KAZN: variants seen among roughly 807,000 people sequenced by gnomAD.
KAZN encodes the protein kazrin, periplakin interacting protein, also known as kazrin.
KAZN carries 40 observed loss-of-function variants against 87.4 expected under a neutral mutation model. The ratio of observed to expected loss-of-function variants is 0.46; its 90% CI spans 0.36 to 0.60. The LOEUF (loss-of-function observed/expected upper bound fraction) is 0.60, where lower values mean the gene tolerates loss of function less well. Ranked by LOEUF, KAZN falls within the 20% of genes least tolerant of loss-of-function variation. KAZN has a pLI of 0.00. For missense variants in KAZN, 898 were observed against 1,073.9 expected (o/e 0.84, Z 2.29); for synonymous variants, 466 against 458.3 (o/e 1.02, Z -0.22).
At chr1:14,958,384 A>T (rs1273205866) in intron 1 of KAZN, among the ~76,000 whole-genome samples, 1 of 102,632 alleles carries the variant, frequency 9.7e-6, no homozygotes, top group Non-Finnish European at 2.5e-5. Flanking sequence ...CTTCTTATAT[A>T]CATGGAGCAC....
chr1:15,065,027 CTTTTTTTTTTT>C (rs780410306), intron 7 of KAZN, among the ~76,000 whole-genome samples: 4 of 102,740 alleles, frequency 3.9e-5, no homozygotes, highest in Non-Finnish European at 7.3e-5. Flanking sequence ...CTTTTTCTTT[CTTTTTTTTTTT>C]TTTTTTTTTT....
At chr1:14,486,105 G>A (rs1321541869) in intron 2 of KAZN, among the ~76,000 whole-genome samples, 1 of 152,164 alleles carries the variant, frequency 6.6e-6, no homozygotes, top group Non-Finnish European at 1.5e-5. Flanking sequence ...ACGTGGCTAA[G>A]CTCCACTTTG....
chr1:14,437,339 A>G (rs1666452400), intron 2 of KAZN, among the ~76,000 whole-genome samples: 2 of 152,202 alleles, frequency 1.3e-5, no homozygotes, highest in South Asian at 4.1e-4. Flanking sequence ...TTTTCAGAAC[A>G]CAGTCGATGA....
At chr1:14,233,716 G>A (rs781259277) in intron 2 of KAZN, among the ~76,000 whole-genome samples, 2 of 152,192 alleles carry the variant, frequency 1.3e-5, no homozygotes, top group Non-Finnish European at 2.9e-5. Context: ...ACTTTTTAAA[G>A]TACTGGTCAG....
chr1:14,892,457 T>G (rs1654818992), intron 1 of KAZN, among the ~76,000 whole-genome samples: 1 of 151,162 alleles, frequency 6.6e-6, no homozygotes, highest in African/African-American at 2.4e-5. Flanking sequence ...CCCTGGATCA[T>G]CTGAAGGCCT....
chr1:14,073,643 A>G (rs924193723), intron 1 of KAZN, among the ~76,000 whole-genome samples: 2 of 152,032 alleles, frequency 1.3e-5, no homozygotes, highest in African/African-American at 4.8e-5. Flanking sequence ...GAGTGAGAAC[A>G]TGCGGTGTTT....
chr1:14,776,394 C>G (rs895416031), intron 1 of KAZN, among the ~76,000 whole-genome samples: 1 of 152,192 alleles, frequency 6.6e-6, no homozygotes, highest in Non-Finnish European at 1.5e-5. Context: ...GAGTGCTATG[C>G]CCACCAAAGG....
intron 1 of KAZN, among the ~76,000 whole-genome samples, chr1:14,085,079 C>T (rs1186357401): frequency 6.6e-6 from 1 of 152,082 alleles, no homozygotes; most frequent in African/African-American, 2.4e-5. Flanking sequence ...TCAAAGATTC[C>T]CAATACTTTC....
chr1:14,039,250 G>C (rs1281706757), intron 1 of KAZN, among the ~76,000 whole-genome samples: 2 of 151,938 alleles, frequency 1.3e-5, no homozygotes, highest in African/African-American at 2.4e-5. Flanking sequence ...TAAGTTGCCT[G>C]CTTCCAGACA....
chr1:14,367,663 C>T (rs1253267612), intron 2 of KAZN, among the ~76,000 whole-genome samples: 1 of 152,096 alleles, frequency 6.6e-6, no homozygotes, highest in Non-Finnish European at 1.5e-5. Flanking sequence ...CAACATCACC[C>T]CACCCCTTCT....
At chr1:14,786,801 T>C (rs1452723431) in intron 1 of KAZN, among the ~76,000 whole-genome samples, 3 of 152,176 alleles carry the variant, frequency 2.0e-5, no homozygotes, top group Admixed American at 2.0e-4. Context: ...AATAGAAGGA[T>C]GTGGTGCTGA....
chr1:14,546,700 A>C (rs559417845), intron 2 of KAZN, among the ~76,000 whole-genome samples: 1 of 152,270 alleles, frequency 6.6e-6, no homozygotes, highest in South Asian at 2.1e-4. Context: ...TTAAAAAGAA[A>C]TGCAATCTGT....
chr1:14,419,053 A>G (rs1438350398), intron 2 of KAZN, among the ~76,000 whole-genome samples: 2 of 152,196 alleles, frequency 1.3e-5, no homozygotes, highest in Non-Finnish European at 2.9e-5. Context: ...AGGATGCTAT[A>G]TATTTTTATT....
intron 1 of KAZN, among the ~76,000 whole-genome samples, chr1:14,707,120 C>T (rs1642252642): frequency 6.6e-6 from 1 of 152,138 alleles, no homozygotes; most frequent in Admixed American, 6.5e-5. Context: ...GCCTGGGTGT[C>T]ACCAGGTTAG....
Position 14,558,264 on chromosome 1 carries a change from G to T in KAZN, c.250-40719G>T, listed in dbSNP as rs1351202300. 2.0e-5 allele frequency among the ~76,000 whole-genome samples: 3 copies of T among 152,144 alleles called. No homozygotes were observed. In the East Asian group the frequency reaches 5.8e-4, roughly 29 times the overall value. On this transcript the variant is annotated intron_variant, in intron 2 of 16. Transcript: ENST00000636203. ...ATTTGATCATCTTGTTACACTAGTC[G>T]CCAAAATGAAACACCACCAGCAAAA...
intron 1 of KAZN, among the ~76,000 whole-genome samples, chr1:14,098,348 C>T (rs1394969175): frequency 2.6e-5 from 4 of 151,994 alleles, no homozygotes; most frequent in Non-Finnish European, 5.9e-5. Flanking sequence ...GTTTTTTTGC[C>T]CTATGGTCAA....
chr1:14,109,107 C>T (rs926080927), intron 1 of KAZN, among the ~76,000 whole-genome samples: 6 of 152,100 alleles, frequency 3.9e-5, no homozygotes, highest in Admixed American at 2.6e-4. Flanking sequence ...GGAAAGACAC[C>T]GCATGACAGA....
chr1:14,426,619 G>A (rs986309725), intron 2 of KAZN, among the ~76,000 whole-genome samples: 2 of 152,160 alleles, frequency 1.3e-5, no homozygotes, highest in African/African-American at 4.8e-5. Flanking sequence ...GCCACACTGA[G>A]GTGATGCTTT....
intron 1 of KAZN, among the ~76,000 whole-genome samples, chr1:14,944,826 A>G (rs1038227644): frequency 2.0e-5 from 3 of 152,226 alleles, no homozygotes; most frequent in South Asian, 2.1e-4. Context: ...AATATCAGCA[A>G]TATCAGCCCG....
Sources: allele counts gnomAD v4.1 joint callset (sites outside exome capture counted in the v4.1 genomes callset), GRCh38; gene constraint gnomAD v4.1.1; transcripts MANE v1.5; gene names NCBI Gene and HGNC (gene_info 2026-07-23, HGNC 2026-07-21).